The following RASGRP2 variants were observed in gnomAD, a reference collection of about 807,000 sequenced individuals.
RASGRP2 encodes RAS guanyl releasing protein 2.
Under a neutral mutation model 71.0 loss-of-function variants are expected in RASGRP2, and 44 were observed. The ratio of observed to expected loss-of-function variants is 0.62; its 90% confidence interval spans 0.49 to 0.80. The LOEUF (loss-of-function observed/expected upper bound fraction) is 0.80, where lower values mean the gene tolerates loss of function less well. Among genes scored for constraint, RASGRP2 ranks in the 30% least tolerant of loss-of-function variants. The probability of loss-of-function intolerance (pLI) is 0.00; values close to 1 mark genes in which losing one functional copy is unlikely to be tolerated. For missense variants in RASGRP2, 663 were observed against 813.4 expected, an observed-to-expected ratio of 0.82 and a Z score of 2.25; for synonymous variants, 350 against 330.7, an observed-to-expected ratio of 1.06 and a Z score of -0.63.
intron 14 of RASGRP2, 27 bp downstream of exon 14, chr11:64,729,732 CCAG>C: frequency 6.2e-7 from 1 of 1,612,990 alleles, no homozygotes; most frequent in South Asian, 1.1e-5. Context: ...AAAACACTGC[CCAG>C]CAGCCCTTCC....
upstream of RASGRP2, chr11:64,744,249 C>T (rs966884904): frequency 1.0e-6 from 1 of 985,718 alleles, no homozygotes; most frequent in Non-Finnish European, 1.2e-6. Flanking sequence ...CGCCCTGCGG[C>T]CCCAGCTCCC....
chr11:64,735,748 G>A lies in RASGRP2; in HGVS notation c.1174-84C>T. The A allele has an allele frequency of 4.6e-6, 7 of 1,535,984 alleles. No homozygotes were observed. The highest frequency in any genetic ancestry group is 6.2e-6 in the Non-Finnish European group (7 of 1,131,892). On this transcript the variant is annotated intron_variant, in intron 10 of 16. Coordinates refer to ENST00000394432, the MANE Select transcript of RASGRP2 (RefSeq NM_001098671.2). This position sits in a 1 kb window ranked among gnomAD's most constrained non-coding sequence, Gnocchi z 4.2. ...GGAACAGAGAGGGGAATCCCTGGGA[G>A]AGGGAAGTCTGCCCAACACTACTGC...
intron 12 of RASGRP2, among the ~76,000 whole-genome samples, chr11:64,732,349 T>TC (rs1158407836): frequency 6.6e-6 from 1 of 150,432 alleles, no homozygotes; most frequent in Non-Finnish European, 1.5e-5. Context: ...AAGGTAAAAC[T>TC]CCATCTCTAC....
chr11:64,740,899 G>A (rs1318179579), intron 5 of RASGRP2, 49 bp downstream of exon 5: 5 of 1,606,966 alleles, frequency 3.1e-6, no homozygotes, highest in Non-Finnish European at 4.3e-6. Flanking sequence ...AGCACAGATG[G>A]TATAGGATAC....
chr11:64,744,162 C>G, upstream of RASGRP2: 11 of 986,724 alleles, frequency 1.1e-5, no homozygotes, highest in Non-Finnish European at 1.3e-5. Context: ...CGCATGTACA[C>G]TCCCACACAC....
intron 12 of RASGRP2, among the ~76,000 whole-genome samples, chr11:64,732,237 C>T (rs1474151311): frequency 1.3e-5 from 2 of 152,190 alleles, no homozygotes; most frequent in Non-Finnish European, 2.9e-5. Flanking sequence ...ATTTTTAGGC[C>T]GGGTGCACAG....
intron 14 of RASGRP2, among the ~76,000 whole-genome samples, 158 bp from the exon 15 acceptor site, chr11:64,729,200 T>C (rs2057677762): frequency 1.3e-5 from 2 of 152,084 alleles, no homozygotes; most frequent in Admixed American, 1.3e-4. Context: ...TCCTCCTAAT[T>C]GTCAGTCTAT....
chr11:64,729,860 C>T, intron 13 of RASGRP2, 62 bp from the exon 14 acceptor site: 12 of 1,603,246 alleles, frequency 7.5e-6, no homozygotes, highest in Non-Finnish European at 1.0e-5. Flanking sequence ...CTACTTCTTC[C>T]TTCTTGAGGG....
intron 12 of RASGRP2, 79 bp from the exon 13 acceptor site, chr11:64,730,273 C>G: frequency 1.3e-6 from 2 of 1,523,884 alleles, no homozygotes; most frequent in Non-Finnish European, 1.8e-6. Flanking sequence ...TCCCACTGTT[C>G]CCAGTGTCCT....
chr11:64,740,625 T>G, intron 5 of RASGRP2: 1 of 651,058 alleles, frequency 1.5e-6, no homozygotes, highest in Non-Finnish European at 2.8e-6. Flanking sequence ...CTGAACTGAG[T>G]CTTGGTAACA....
chr11:64,730,049 T>C lies in RASGRP2; in HGVS notation c.1554+4A>G, dbSNP rs1441624000. On this transcript the variant is annotated splice_donor_region_variant and intron_variant, in intron 13 of 16. Coordinates refer to ENST00000394432, the MANE Select transcript of RASGRP2 (RefSeq NM_001098671.2). Reference sequence around the variant, plus strand: ...GGGCCGTGAGCCGGGAAAGGGACTCTCACCAGGGCTTTGCAGTGGCGGCAG... The same window carrying C: ...GGGCCGTGAGCCGGGAAAGGGACTCCCACCAGGGCTTTGCAGTGGCGGCAG... 9 of 1,551,044 alleles carry C rather than the reference T, an allele frequency of 5.8e-6. No homozygotes were observed. The highest frequency in any genetic ancestry group is 7.8e-6 in the Non-Finnish European group (9 of 1,147,846).
chr11:64,740,937 C>A lies in RASGRP2; in HGVS notation c.371+11G>T. The A allele has an allele frequency of 4.3e-6, 7 of 1,613,860 alleles. No homozygotes were observed. Among genetic ancestry groups the A allele is most frequent in the Non-Finnish European group, 5.1e-6 (6 of 1,179,934 alleles). ...AGTGCCCCCCCAGCCCTCTGTGCTCCCCCCACGCACACGCTGTCTATGTCG... is the reference window on the plus strand; with the variant it reads ...AGTGCCCCCCCAGCCCTCTGTGCTCACCCCACGCACACGCTGTCTATGTCG... On this transcript the variant is annotated intron_variant, in intron 5 of 16. Coordinates refer to ENST00000394432, the MANE Select transcript of RASGRP2 (RefSeq NM_001098671.2).
At chr11:64,731,128 G>A (rs1253327349) in intron 12 of RASGRP2, among the ~76,000 whole-genome samples, 3 of 152,218 alleles carry the variant, frequency 2.0e-5, no homozygotes, top group Non-Finnish European at 2.9e-5. Context: ...AGGCCAAGGC[G>A]GGTGGATCAC....
intron 12 of RASGRP2, among the ~76,000 whole-genome samples, chr11:64,732,436 A>G (rs1186447435): frequency 6.6e-6 from 1 of 152,188 alleles, no homozygotes; most frequent in African/African-American, 2.4e-5. Context: ...AGGCGGGCGG[A>G]TCACCTGAGG....
intron 12 of RASGRP2, among the ~76,000 whole-genome samples, chr11:64,733,853 C>CTTTTTT (rs200730812): frequency 7.4e-6 from 1 of 135,654 alleles, no homozygotes; most frequent in African/African-American, 2.7e-5. Flanking sequence ...CTTTTTTTTT[C>CTTTTTT]TTTTTTTTTT....
chr11:64,741,936 T>C, intron 3 of RASGRP2, 74 bp downstream of exon 3: 2 of 1,304,662 alleles, frequency 1.5e-6, no homozygotes, highest in South Asian at 1.2e-5. Context: ...AGGCTCATTC[T>C]GCACCTGGGC....
intron 12 of RASGRP2, among the ~76,000 whole-genome samples, chr11:64,731,342 C>A: frequency 1.4e-5 from 2 of 140,866 alleles, no homozygotes; most frequent in Admixed American, 7.3e-5. Context: ...GGTGACATGG[C>A]AAGACACCCT....
chr11:64,732,618 A>G (rs2057797818), intron 12 of RASGRP2, among the ~76,000 whole-genome samples: 1 of 152,064 alleles, frequency 6.6e-6, no homozygotes, highest in Admixed American at 6.6e-5. Context: ...CGTCTCTACT[A>G]AAAATACAAA....
rs576132458 is a variant in RASGRP2, at chr11:64,726,990, C to A, written c.*148G>T. On this transcript the variant is annotated 3_prime_UTR_variant, in exon 17 of 17. Transcript: ENST00000394432. ...AAGAGTCTGTACAACCTTAGGGACA[C>A]CAGCCCTGGCCCTGCCCTCAGCTGC... is the stretch of plus-strand genomic sequence containing the variant. The A allele has an allele frequency of 7.3e-4, 295 of 402,818 alleles. 1 individual carries two copies. Among genetic ancestry groups the A allele is most frequent in the Non-Finnish European group, 1.1e-3 (235 of 211,458 alleles). The allele number at this position is 402,818 out of a possible 1,614,324, so 25.0% of individuals were successfully genotyped here. A position where few individuals can be genotyped will look rare whatever the true frequency, so the allele number is the denominator to read the frequency against.
Sources: gnomAD v4.1 joint callset for allele counts (sites outside exome capture counted in the v4.1 genomes callset) on GRCh38, gnomAD v4.1.1 for gene constraint, Gnocchi (gnomAD v3.1) non-coding constraint, MANE v1.5 for transcripts, NCBI Gene and HGNC (gene_info 2026-07-23, HGNC 2026-07-21) for gene names.